FBXW11: variants seen among roughly 807,000 people sequenced by gnomAD.
The protein encoded by FBXW11 is F-box and WD repeat domain containing 11.
In FBXW11, 19 loss-of-function variants were observed where a neutral mutation model predicts 77.6. The ratio of observed to expected loss-of-function variants is 0.24; its 90% CI spans 0.17 to 0.36. The LOEUF (loss-of-function observed/expected upper bound fraction) is 0.36, where lower values mean the gene tolerates loss of function less well. Among genes scored for constraint, FBXW11 ranks in the 10% least tolerant of loss-of-function variants. The pLI is 1.00. For synonymous variants in FBXW11, 235 were observed against 249.4 expected (o/e 0.94, Z 0.54); for missense variants, 334 against 704.2 (o/e 0.47, Z 5.95).
At chr5:171,958,218 G>C (rs558654819) in intron 1 of FBXW11, among the ~76,000 whole-genome samples, 2 of 152,316 alleles carry the variant, frequency 1.3e-5, no homozygotes, top group East Asian at 3.9e-4. Flanking sequence ...ACACAACAAA[G>C]GAGGGGAGAG....
intron 9 of FBXW11, 127 bp from the exon 10 acceptor site, chr5:171,873,117 T>C (rs1363306084): frequency 1.3e-6 from 1 of 772,770 alleles, no homozygotes; most frequent in Non-Finnish European, 2.1e-6. Flanking sequence ...CGGTGTCCTC[T>C]AACTCAAAGT....
At chr5:171,929,378 T>A (rs1451576571) in intron 2 of FBXW11, among the ~76,000 whole-genome samples, 1 of 150,126 alleles carries the variant, frequency 6.7e-6, no homozygotes, top group African/African-American at 2.5e-5. Flanking sequence ...CAAAAAAAAA[T>A]AATAATAAAC....
intron 1 of FBXW11, among the ~76,000 whole-genome samples, chr5:171,992,226 C>T (rs1304779541): frequency 1.3e-5 from 2 of 151,354 alleles, no homozygotes; most frequent in Non-Finnish European, 2.9e-5. Flanking sequence ...TCAGCAGTTT[C>T]AGACCAGCCT....
chr5:172,006,306 C>T (rs999397664), intron 1 of FBXW11, 152 bp downstream of exon 1: 22 of 590,108 alleles, frequency 3.7e-5, no homozygotes, highest in African/African-American at 2.1e-4. Flanking sequence ...GGAGCCCGCG[C>T]CAGGTCCGAG....
At chr5:172,005,282 T>C (rs1766671025) in intron 1 of FBXW11, among the ~76,000 whole-genome samples, 1 of 152,204 alleles carries the variant, frequency 6.6e-6, no homozygotes. Flanking sequence ...GGGGAAGAAG[T>C]TGTTACCGTG....
intron 4 of FBXW11, 142 bp from the exon 5 acceptor site, chr5:171,900,242 A>ATTTGAGT: frequency 1.6e-6 from 1 of 642,884 alleles, no homozygotes; most frequent in Non-Finnish European, 2.6e-6. Flanking sequence ...CAGATACTCA[A>ATTTGAGT]ATCCATGAGT....
At chr5:171,922,559 C>T (rs142089941) in intron 2 of FBXW11, among the ~76,000 whole-genome samples, 1 of 152,352 alleles carries the variant, frequency 6.6e-6, no homozygotes, top group East Asian at 1.9e-4. Flanking sequence ...TGTGCTCATA[C>T]ATTAACACAA....
intron 2 of FBXW11, among the ~76,000 whole-genome samples, chr5:171,952,852 ATTTT>A (rs369759578): frequency 6.6e-5 from 10 of 151,224 alleles, no homozygotes. Flanking sequence ...ATATTATGAG[ATTTT>A]TTTTCTTTCG....
At chr5:171,977,426 TA>T in intron 1 of FBXW11, among the ~76,000 whole-genome samples, 1 of 152,142 alleles carries the variant, frequency 6.6e-6, no homozygotes, top group Admixed American at 6.5e-5. Context: ...CAAAACAAAC[TA>T]AGACAGATGC....
intron 1 of FBXW11, among the ~76,000 whole-genome samples, chr5:171,996,317 T>TATTTC (rs1766042514): frequency 1.3e-5 from 2 of 152,192 alleles, no homozygotes; most frequent in African/African-American, 4.8e-5. Flanking sequence ...ACAACATATG[T>TATTTC]CTCTGTTTAC....
chr5:171,982,540 G>T (rs1765205831), intron 1 of FBXW11, among the ~76,000 whole-genome samples: 1 of 152,326 alleles, frequency 6.6e-6, no homozygotes, highest in East Asian at 1.9e-4. Flanking sequence ...TGGGATTACA[G>T]GTGTGAGCCA....
At chr5:171,998,399 TC>T (rs1441875064) in intron 1 of FBXW11, among the ~76,000 whole-genome samples, 3 of 143,862 alleles carry the variant, frequency 2.1e-5, no homozygotes, top group Non-Finnish European at 4.5e-5. Flanking sequence ...GGCCTCGAAC[TC>T]CTAAGCTCAA....
chr5:171,956,133 T>C (rs1763596636), intron 2 of FBXW11, among the ~76,000 whole-genome samples: 1 of 152,192 alleles, frequency 6.6e-6, no homozygotes, highest in Admixed American at 6.5e-5. Flanking sequence ...AAAGCAACTG[T>C]AACATTCCTT....
chr5:171,891,705 C>T (rs1055995295), intron 6 of FBXW11, 101 bp from the exon 7 acceptor site: 4 of 1,188,052 alleles, frequency 3.4e-6, no homozygotes, highest in Non-Finnish European at 3.5e-6. Context: ...ACCACCGATA[C>T]CCCAATCTTG....
intron 9 of FBXW11, among the ~76,000 whole-genome samples, chr5:171,874,085 CAGAA>C: frequency 6.6e-6 from 1 of 152,260 alleles, no homozygotes; most frequent in South Asian, 2.1e-4. Flanking sequence ...AGACAACTCA[CAGAA>C]AGGGAGAAAA....
chr5:171,963,441 T>A (rs186485574), intron 1 of FBXW11, among the ~76,000 whole-genome samples: 13 of 152,214 alleles, frequency 8.5e-5, no homozygotes, highest in Non-Finnish European at 5.9e-5. Context: ...AAGGCTTAAT[T>A]AGAGAGACAG....
chr5:171,981,704 A>G (rs1765156917), intron 1 of FBXW11, among the ~76,000 whole-genome samples: 1 of 152,230 alleles, frequency 6.6e-6, no homozygotes, highest in Admixed American at 6.5e-5. Context: ...TACTAAGTAT[A>G]CCCAAGAGAA....
Position 171,990,164 on chromosome 5 carries a change from G to A in FBXW11, c.45+16294C>T, listed in dbSNP as rs72835285. ...AAGAAGGGGAAAGAGGAAGAGAAGGGAGGGGGGTAGCAGAGAAATGACTCA... is the reference window on the plus strand; with the variant it reads ...AAGAAGGGGAAAGAGGAAGAGAAGGAAGGGGGGTAGCAGAGAAATGACTCA... On this transcript the variant is annotated intron_variant, in intron 1 of 13. Coordinates refer to ENST00000517395, the MANE Select transcript of FBXW11 (RefSeq NM_001378974.1). Among the ~76,000 whole-genome samples the A allele has an allele frequency of 6.9e-3, 1,053 of 151,786 alleles. 9 individuals carry two copies. The highest frequency in any genetic ancestry group is 0.054 in the Middle Eastern group (16 of 294).
rs1263815394 is a variant in FBXW11 at position 171,900,172 on chromosome 5, A to C, written c.437-72T>G. On this transcript the variant is annotated intron_variant, in intron 4 of 13. Transcript: ENST00000517395. Reference sequence around the variant, plus strand: ...GGTACCAGCCATCATTTCCTTAAAGATAAGAGGAATAAAGAAATCCTGAAC... The same window carrying C: ...GGTACCAGCCATCATTTCCTTAAAGCTAAGAGGAATAAAGAAATCCTGAAC... The C allele has an allele frequency of 3.1e-6, 4 of 1,301,870 alleles. No homozygotes were observed. The African/African-American group carries it at 4.5e-5, about 15-fold the overall frequency. 80.6% of individuals were successfully genotyped at this position (1,301,870 alleles called of 1,614,324 possible).
Sources: allele counts gnomAD v4.1 joint callset (sites outside exome capture counted in the v4.1 genomes callset), GRCh38; gene constraint gnomAD v4.1.1; transcripts MANE v1.5; gene names NCBI Gene and HGNC (gene_info 2026-07-23, HGNC 2026-07-21).